The following TOM1L1 variants were observed in gnomAD, a reference collection of about 807,000 sequenced individuals.
TOM1L1 encodes the protein TOM1-like protein 1.
TOM1L1 carries 64 observed loss-of-function variants against 63.4 expected under a neutral mutation model. The ratio of observed to expected loss-of-function variants is 1.01; its 90% CI spans 0.83 to 1.24. The LOEUF is 1.24. Ranked by LOEUF, TOM1L1 falls within the 50% of genes most tolerant of loss-of-function variation. The pLI, the probability that TOM1L1 is intolerant of heterozygous loss-of-function variation, is 0.00. For synonymous variants in TOM1L1, 166 were observed against 194.4 expected, an observed-to-expected ratio of 0.85 and a Z score of 1.22; for missense variants, 536 against 567.0, an observed-to-expected ratio of 0.95 and a Z score of 0.55.
rs1315989405 is a variant in TOM1L1, at chr17:54,905,576, T to C, written c.222+9T>C. 6.7e-7 allele frequency: 1 copy of C among 1,485,544 alleles called. No homozygotes were observed. The highest frequency in any genetic ancestry group is 9.3e-7 in the Non-Finnish European group (1 of 1,070,520). The allele number at this position is 1,485,544 out of a possible 1,614,324, so 92.0% of individuals were successfully genotyped here. A position where few individuals can be genotyped will look rare whatever the true frequency, so the allele number is the denominator to read the frequency against. ...TCCAACTTACCTTGTCAGTAAGTACTTTAATTTTATAATTAAGACTCGAGG... is the reference window on the plus strand; with the variant it reads ...TCCAACTTACCTTGTCAGTAAGTACCTTAATTTTATAATTAAGACTCGAGG... On this transcript the variant is annotated intron_variant, in intron 3 of 15. Coordinates refer to ENST00000575882, the MANE Select transcript of TOM1L1 (RefSeq NM_005486.3).
Position 54,905,514 on chromosome 17 carries a change from A to G in TOM1L1, c.169A>G (p.Lys57Glu). Residue 57 changes from lysine to glutamate, a missense_variant, in exon 3 of 16, where the codon AAG (lysine) becomes GAG (glutamate). Coordinates refer to ENST00000575882, the MANE Select transcript of TOM1L1 (RefSeq NM_005486.3). ...GCCAAAAGATGCAGTGAAAGCTTTG[A>G]AGAAAAGGATTTCCAAAAACTACAA... ...DGPKDAVKALKKRISKNYNHK... is the reference protein window; with the variant it reads ...DGPKDAVKALEKRISKNYNHK... 1 of 1,612,480 alleles carries G rather than the reference A, an allele frequency of 6.2e-7. No individual in the cohort carries two copies. The highest frequency in any genetic ancestry group is 1.1e-5 in the South Asian group (1 of 90,686).
At chr17:54,919,936 G>A (rs531899892) in intron 7 of TOM1L1, among the ~76,000 whole-genome samples, 8 of 152,066 alleles carry the variant, frequency 5.3e-5, no homozygotes, top group Middle Eastern at 3.4e-3. Flanking sequence ...ATAGACTGTG[G>A]GGAAATAGAG....
At position 54,902,281 on chromosome 17, in the gene TOM1L1, G is replaced by T. The variant is rs141323081; in HGVS notation, c.58+1358G>T. ...ATTCGGTGCCAGATTCAAGTTTTTT[G>T]TTGTTGTTGTTTTGTTTTTGTTTTT... On this transcript the variant is annotated intron_variant, in intron 1 of 15. Coordinates refer to ENST00000575882, the MANE Select transcript of TOM1L1 (RefSeq NM_005486.3). Among the ~76,000 whole-genome samples, 701 of 152,158 alleles carry T rather than the reference G, an allele frequency of 4.6e-3. 6 individuals carry two copies. Among genetic ancestry groups the T allele is most frequent in the African/African-American group, 0.015 (643 of 41,522 alleles).
intron 7 of TOM1L1, among the ~76,000 whole-genome samples, chr17:54,924,281 T>TCC (rs1211546082): frequency 5.5e-5 from 7 of 128,368 alleles, no homozygotes; most frequent in African/African-American, 2.6e-4. Flanking sequence ...CTTTTCTTTT[T>TCC]TCTTTTTTTT....
At chr17:54,917,814 A>G (rs995295214) in intron 7 of TOM1L1, among the ~76,000 whole-genome samples, 5 of 152,206 alleles carry the variant, frequency 3.3e-5, no homozygotes, top group Non-Finnish European at 5.9e-5. Context: ...AGAGTATGGT[A>G]TAGCAACATG....
At chr17:54,929,996 G>C (rs1219894477) in intron 7 of TOM1L1, 77 bp from the exon 8 acceptor site, 6 of 1,583,802 alleles carry the variant, frequency 3.8e-6, no homozygotes, top group Non-Finnish European at 5.2e-6. Flanking sequence ...CTGTAGGTAT[G>C]CGCAGATTGG....
intron 11 of TOM1L1, 32 bp downstream of exon 11, chr17:54,939,052 A>G: frequency 1.5e-6 from 2 of 1,364,506 alleles, no homozygotes; most frequent in South Asian, 2.5e-5. Flanking sequence ...CAGAACTAAT[A>G]TCATGACATT....
chr17:54,949,203 A>ATTCTTTTTTTT (rs2049170164), intron 12 of TOM1L1, among the ~76,000 whole-genome samples: 1 of 122,296 alleles, frequency 8.2e-6, no homozygotes, highest in Non-Finnish European at 1.6e-5. Context: ...ATGCCCAGCT[A>ATTCTTTTTTTT]TTTTTTTTTT....
At chr17:54,912,090 C>T (rs2048506120) in intron 3 of TOM1L1, among the ~76,000 whole-genome samples, 1 of 152,210 alleles carries the variant, frequency 6.6e-6, no homozygotes, top group African/African-American at 2.4e-5. Context: ...TACAATTTAT[C>T]TGTCTAGAAT....
chr17:54,954,721 G>A (rs1226026973), intron 14 of TOM1L1: 2 of 152,198 alleles, frequency 1.3e-5, no homozygotes, highest in East Asian at 3.9e-4. Flanking sequence ...GCCCCCACAT[G>A]ACTGATGCTT....
At chr17:54,912,503 A>G (rs1263235205) in intron 3 of TOM1L1, among the ~76,000 whole-genome samples, 163 bp from the exon 4 acceptor site, 1 of 152,176 alleles carries the variant, frequency 6.6e-6, no homozygotes, top group African/African-American at 2.4e-5. Flanking sequence ...ATACTTCCAC[A>G]TATCCCCAGA....
intron 7 of TOM1L1, among the ~76,000 whole-genome samples, chr17:54,924,843 C>T (rs887798416): frequency 1.3e-5 from 2 of 152,012 alleles, no homozygotes; most frequent in African/African-American, 4.8e-5. Context: ...GGGGACTTTA[C>T]CTTCATTTAT....
intron 8 of TOM1L1, among the ~76,000 whole-genome samples, chr17:54,933,532 T>C (rs537932455): frequency 2.0e-5 from 3 of 152,170 alleles, no homozygotes; most frequent in Non-Finnish European, 4.4e-5. Flanking sequence ...TTTTGTTTTG[T>C]TTTGTTTTTG....
At chr17:54,913,088 A>T (rs746063051) in intron 4 of TOM1L1, among the ~76,000 whole-genome samples, 6 of 152,204 alleles carry the variant, frequency 3.9e-5, no homozygotes, top group Non-Finnish European at 8.8e-5. Context: ...CTTTGCAGGT[A>T]GGGAAACTTC....
chr17:54,909,996 A>G (rs2048471970), intron 3 of TOM1L1, among the ~76,000 whole-genome samples: 1 of 152,240 alleles, frequency 6.6e-6, no homozygotes, highest in African/African-American at 2.4e-5. Context: ...TGTAGAATTA[A>G]TTAGTCCTGA....
chr17:54,928,748 G>T (rs989086938), intron 7 of TOM1L1, among the ~76,000 whole-genome samples: 2 of 152,152 alleles, frequency 1.3e-5, no homozygotes, highest in South Asian at 4.1e-4. Flanking sequence ...TGGCAAATAG[G>T]ATGGTTTTTC....
chr17:54,933,941 G>A (rs189221391), intron 8 of TOM1L1, among the ~76,000 whole-genome samples: 42 of 152,274 alleles, frequency 2.8e-4, no homozygotes, highest in African/African-American at 9.9e-4. Context: ...GGGCTTCCAG[G>A]TTATAAATAG....
chr17:54,961,370 G>C lies in TOM1L1; in HGVS notation c.*137G>C. 6.4e-7 allele frequency: 1 copy of C among 1,550,830 alleles called. No individual in the cohort carries two copies. Among genetic ancestry groups the C allele is most frequent in the Non-Finnish European group, 8.7e-7 (1 of 1,146,636 alleles). On this transcript the variant is annotated 3_prime_UTR_variant, in exon 16 of 16. Transcript: ENST00000575882. ...CATGGTGGCACATTTCTGCTATAAT[G>C]AAGATTAAATAGAATAACAGTTCCA...
Position 54,901,081 on chromosome 17 carries a change from G to GCC in TOM1L1, c.58+162_58+163dup. On this transcript the variant is annotated intron_variant, in intron 1 of 15. Coordinates refer to ENST00000575882, the MANE Select transcript of TOM1L1 (RefSeq NM_005486.3). ...TCCCAAGGCACCCGCATTCCACCCGGCCCCCTTTCGTCGTTTCCTTCTTGG... is the reference window on the plus strand; with the variant it reads ...TCCCAAGGCACCCGCATTCCACCCGGCCCCCCCTTTCGTCGTTTCCTTCTTGG... 4 of 966,216 alleles carry GCC rather than the reference G, an allele frequency of 4.1e-6. No homozygotes were observed. In the South Asian group the frequency reaches 6.2e-5, roughly 15 times the overall value. The allele number at this position is 966,216 out of a possible 1,614,324, so 59.9% of individuals were successfully genotyped here.
Sources: allele counts gnomAD v4.1 joint callset (sites outside exome capture counted in the v4.1 genomes callset), GRCh38; gene constraint gnomAD v4.1.1; transcripts MANE v1.5; gene names NCBI Gene and HGNC (gene_info 2026-07-23, HGNC 2026-07-21).